The following ACSBG1 variants were observed in gnomAD, a reference collection of about 807,000 sequenced individuals.
ACSBG1 encodes long-chain-fatty-acid--CoA ligase ACSBG1.
A neutral mutation model predicts 80.2 loss-of-function variants in ACSBG1; 39 were observed. The observed-to-expected ratio is 0.49, with a 90% CI of 0.38 to 0.64. The LOEUF is 0.64. ACSBG1 is among the 30% of genes least tolerant of loss of function. The probability of loss-of-function intolerance (pLI) is 0.00; values close to 1 mark genes in which losing one functional copy is unlikely to be tolerated. For missense variants in ACSBG1, 828 were observed against 966.4 expected (o/e 0.86, Z 1.90); for synonymous variants, 392 against 379.5 (o/e 1.03, Z -0.38).
intron 1 of ACSBG1, among the ~76,000 whole-genome samples, chr15:78,210,314 C>T (rs181587985): frequency 3.9e-5 from 6 of 152,276 alleles, no homozygotes; most frequent in East Asian, 3.9e-4. Flanking sequence ...GAATTTGGGG[C>T]GCATGATTAA....
chr15:78,225,438 T>TAAATAAATAA (rs1555434754), intron 1 of ACSBG1, among the ~76,000 whole-genome samples: 74 of 131,244 alleles, frequency 5.6e-4, no homozygotes, highest in African/African-American at 1.9e-3. Context: ...TAAATAAAAA[T>TAAATAAATAA]AAATTAAAAA....
intron 5 of ACSBG1, among the ~76,000 whole-genome samples, chr15:78,184,851 A>G (rs1291817652): frequency 2.6e-5 from 4 of 152,214 alleles, no homozygotes; most frequent in African/African-American, 9.6e-5. Context: ...CACATTGGCC[A>G]TCTTGTTTGG....
intron 5 of ACSBG1, among the ~76,000 whole-genome samples, chr15:78,186,222 AAT>A: frequency 6.6e-6 from 1 of 152,178 alleles, no homozygotes; most frequent in Non-Finnish European, 1.5e-5. Flanking sequence ...CCCACACAAT[AAT>A]AATGGGAGAC....
intron 5 of ACSBG1, among the ~76,000 whole-genome samples, chr15:78,186,141 TA>T (rs1307959404): frequency 2.6e-5 from 4 of 152,194 alleles, no homozygotes; most frequent in African/African-American, 4.8e-5. Context: ...TACCATTATG[TA>T]ATGGCCTTCT....
At chr15:78,206,337 C>A (rs1484740899) in intron 2 of ACSBG1, among the ~76,000 whole-genome samples, 2 of 152,222 alleles carry the variant, frequency 1.3e-5, no homozygotes, top group South Asian at 4.1e-4. Flanking sequence ...AAGAGGCCCA[C>A]CTTGCCCCCA....
intron 1 of ACSBG1, among the ~76,000 whole-genome samples, chr15:78,209,654 T>G (rs1212392803): frequency 6.6e-6 from 1 of 152,158 alleles, no homozygotes; most frequent in Non-Finnish European, 1.5e-5. Context: ...ACACGTACAC[T>G]GCTAGGCTCA....
chr15:78,181,287 T>C (rs188231846), intron 8 of ACSBG1, among the ~76,000 whole-genome samples: 26 of 152,204 alleles, frequency 1.7e-4, no homozygotes, highest in Admixed American at 3.3e-4. Context: ...GAGATGCTGG[T>C]GGAGGGAAAC....
chr15:78,173,639 C>A lies in ACSBG1; in HGVS notation c.2043G>T (p.Lys681Asn). Reference protein sequence around the residue: ...NAAARPYHIQKWAILERDFSI... With the variant: ...NAAARPYHIQNWAILERDFSI... ...AGAAGTCTCTCTCGAGAATGGCCCA[C>A]TTCTGGATGTGGTAGGGCCGGGCCG... Residue 681 changes from lysine to asparagine, a missense_variant, in exon 13 of 14, where the codon AAG becomes AAT. Coordinates refer to ENST00000258873, the MANE Select transcript of ACSBG1 (RefSeq NM_015162.5). 2 of 1,614,236 alleles carry A rather than the reference C, an allele frequency of 1.2e-6. No homozygotes were observed. Among genetic ancestry groups the A allele is most frequent in the Non-Finnish European group, 1.7e-6 (2 of 1,180,040 alleles).
intron 5 of ACSBG1, among the ~76,000 whole-genome samples, chr15:78,184,200 T>G (rs1282233814): frequency 6.6e-6 from 1 of 152,160 alleles, no homozygotes; most frequent in Non-Finnish European, 1.5e-5. Context: ...TGGTTTTGTT[T>G]GTTTTGTTTT....
chr15:78,223,279 G>T (rs578103393), intron 1 of ACSBG1, among the ~76,000 whole-genome samples: 1 of 150,938 alleles, frequency 6.6e-6, no homozygotes, highest in Non-Finnish European at 1.5e-5. Context: ...GGGCCTGTTG[G>T]GGGGTGGGGT....
intron 1 of ACSBG1, among the ~76,000 whole-genome samples, chr15:78,224,056 C>A (rs997329312): frequency 3.9e-5 from 6 of 152,176 alleles, no homozygotes; most frequent in Non-Finnish European, 8.8e-5. Context: ...TTTTGAACTT[C>A]TGTCTTCCAG....
At chr15:78,187,325 G>C (rs1370580860) in intron 5 of ACSBG1, among the ~76,000 whole-genome samples, 3 of 152,152 alleles carry the variant, frequency 2.0e-5, no homozygotes, top group Admixed American at 2.0e-4. Context: ...CTCATTTTAT[G>C]AGGCCAGCAT....
At chr15:78,222,007 C>T (rs913525085) in intron 1 of ACSBG1, among the ~76,000 whole-genome samples, 3 of 152,134 alleles carry the variant, frequency 2.0e-5, no homozygotes, top group African/African-American at 4.8e-5. Flanking sequence ...TACATAGACA[C>T]AGTAACAATC....
chr15:78,176,818 G>A (rs1338199142), intron 11 of ACSBG1, among the ~76,000 whole-genome samples: 1 of 152,058 alleles, frequency 6.6e-6, no homozygotes, highest in Non-Finnish European at 1.5e-5. Flanking sequence ...AGCTACTTGA[G>A]AGGCTGAGGC....
At chr15:78,227,655 A>C (rs1315685126) in intron 1 of ACSBG1, among the ~76,000 whole-genome samples, 3 of 152,188 alleles carry the variant, frequency 2.0e-5, no homozygotes, top group African/African-American at 7.2e-5. Context: ...GAAAATGAGA[A>C]CATATGTCCA....
rs750817709 is a variant in ACSBG1, at chr15:78,193,575, G to A, written c.594C>T (p.Tyr198=). The A allele has an allele frequency of 2.5e-6, 4 of 1,613,784 alleles. No individual in the cohort carries two copies. The highest frequency in any genetic ancestry group is 3.3e-5 in the Admixed American group (2 of 59,990). ...YTTSSPEACQ[Y]IAYDCCANVI... ...CATTGGCGCAGCAGTCATAAGCGAT[G>A]TACTGGCAGGCCTCTGGGGAGCTGG... Residue 198 remains tyrosine, a synonymous_variant, in exon 5 of 14, where the codon TAC becomes TAT. Coordinates refer to ENST00000258873, the MANE Select transcript of ACSBG1 (RefSeq NM_015162.5).
At chr15:78,176,073 A>AT (rs34270009) in intron 11 of ACSBG1, among the ~76,000 whole-genome samples, 1 of 151,664 alleles carries the variant, frequency 6.6e-6, no homozygotes, top group Non-Finnish European at 1.5e-5. Context: ...AGATTTAATA[A>AT]TTTTTTTTTA....
rs543080593 is a variant in ACSBG1 at position 78,177,269 on chromosome 15, G to C, written c.1702+1345C>G. Among the ~76,000 whole-genome samples, 1 of 152,166 alleles carries C rather than the reference G, an allele frequency of 6.6e-6. No homozygotes were observed. The highest frequency in any genetic ancestry group is 1.5e-5 in the Non-Finnish European group (1 of 68,042). ...AAAGCTATAGAAATTAAGACACTGG[G>C]TATTGGTGCACGGATAGGCGAATAG... On this transcript the variant is annotated intron_variant, in intron 11 of 13. Coordinates refer to ENST00000258873, the MANE Select transcript of ACSBG1 (RefSeq NM_015162.5). This position sits in a 1 kb window ranked among gnomAD's most constrained non-coding sequence, Gnocchi z 4.1.
chr15:78,219,063 C>T (rs958288384), intron 1 of ACSBG1, among the ~76,000 whole-genome samples: 1 of 152,220 alleles, frequency 6.6e-6, no homozygotes, highest in South Asian at 2.1e-4. Flanking sequence ...CTGCCCACCT[C>T]GGCCTCCCAA....
Sources: gnomAD v4.1 joint callset for allele counts (sites outside exome capture counted in the v4.1 genomes callset) on GRCh38, gnomAD v4.1.1 for gene constraint, Gnocchi (gnomAD v3.1) non-coding constraint, MANE v1.5 for transcripts, NCBI Gene and HGNC (gene_info 2026-07-23, HGNC 2026-07-21) for gene names.